The following COL8A1 variants were observed in gnomAD, a reference collection of about 807,000 sequenced individuals.
COL8A1 encodes the protein collagen alpha-1(VIII) chain.
Under a neutral mutation model 42.7 loss-of-function variants are expected in COL8A1, and 21 were observed. That is an observed-to-expected ratio of 0.49 (90% CI 0.35 to 0.71). The LOEUF is 0.71. COL8A1 is among the 30% of genes least tolerant of loss of function. The pLI, the probability that COL8A1 is intolerant of heterozygous loss-of-function variation, is 0.01. For synonymous variants in COL8A1, 367 were observed against 369.1 expected, an observed-to-expected ratio of 0.99 and a Z score of 0.06; for missense variants, 788 against 962.4, an observed-to-expected ratio of 0.82 and a Z score of 2.40.
At chr3:99,724,686 G>A (rs780059056) in intron 1 of COL8A1, among the ~76,000 whole-genome samples, 22 of 152,056 alleles carry the variant, frequency 1.4e-4, no homozygotes, top group Admixed American at 1.3e-4. Context: ...ACATTTCTTA[G>A]TTAGGTTAAA....
At chr3:99,656,881 TTTGTGAGAAAAGTCCAC>T (rs1938038190) in intron 1 of COL8A1, among the ~76,000 whole-genome samples, 1 of 152,214 alleles carries the variant, frequency 6.6e-6, no homozygotes, top group Non-Finnish European at 1.5e-5. Context: ...TTGTTATGCA[TTTGTGAGAAAAGTCCAC>T]TTGGGCATGC....
At chr3:99,776,537 T>G (rs1304436938) in intron 2 of COL8A1, among the ~76,000 whole-genome samples, 1 of 152,162 alleles carries the variant, frequency 6.6e-6, no homozygotes, top group Non-Finnish European at 1.5e-5. Context: ...GTCCCCTGGT[T>G]AGTTTCACTT....
At chr3:99,661,955 G>A (rs1278712226) in intron 1 of COL8A1, among the ~76,000 whole-genome samples, 2 of 152,220 alleles carry the variant, frequency 1.3e-5, no homozygotes, top group African/African-American at 4.8e-5. Flanking sequence ...GCCAGGGGAT[G>A]AGGGAAGGAG....
chr3:99,787,288 G>A (rs1941915348), intron 2 of COL8A1, among the ~76,000 whole-genome samples: 1 of 152,080 alleles, frequency 6.6e-6, no homozygotes, highest in Non-Finnish European at 1.5e-5. Context: ...CTCAAATATA[G>A]GAAGCCATTT....
chr3:99,739,801 C>T (rs921444480), intron 1 of COL8A1, among the ~76,000 whole-genome samples: 6 of 152,288 alleles, frequency 3.9e-5, no homozygotes, highest in Admixed American at 2.6e-4. Flanking sequence ...GAGATATTTT[C>T]CCCATTGTCT....
At chr3:99,733,799 C>T (rs1247041603) in intron 1 of COL8A1, among the ~76,000 whole-genome samples, 3 of 151,798 alleles carry the variant, frequency 2.0e-5, no homozygotes, top group Non-Finnish European at 4.4e-5. Context: ...TCCACATCCT[C>T]TCCAGCACCT....
At chr3:99,646,988 G>A (rs1335518045) in intron 1 of COL8A1, among the ~76,000 whole-genome samples, 1 of 152,160 alleles carries the variant, frequency 6.6e-6, no homozygotes, top group Non-Finnish European at 1.5e-5. Context: ...TTTCCAAAGT[G>A]CATTTCAAAA....
At chr3:99,700,415 A>C (rs925915571) in intron 1 of COL8A1, among the ~76,000 whole-genome samples, 3 of 151,736 alleles carry the variant, frequency 2.0e-5, no homozygotes, top group Admixed American at 1.3e-4. Context: ...TCACAGGCTC[A>C]CCCTCCCACC....
chr3:99,683,596 A>G (rs1319645836), intron 1 of COL8A1, among the ~76,000 whole-genome samples: 4 of 151,990 alleles, frequency 2.6e-5, no homozygotes, highest in Admixed American at 2.6e-4. Flanking sequence ...GACACGATAA[A>G]TTTTAGGGTT....
chr3:99,728,538 A>G (rs1940405049), intron 1 of COL8A1, among the ~76,000 whole-genome samples: 1 of 152,076 alleles, frequency 6.6e-6, no homozygotes. Context: ...CTGAATACAT[A>G]TCAACAATTA....
chr3:99,795,594 C>A lies in COL8A1; in HGVS notation c.1693C>A (p.Pro565Thr). 1 of 1,612,122 alleles carries A rather than the reference C, an allele frequency of 6.2e-7. No homozygotes were observed. The highest frequency in any genetic ancestry group is 8.5e-7 in the Non-Finnish European group (1 of 1,178,864). ...TGGCCTTCCAGGACCCCCAGGCCCT[C>A]CAGGACCTCCAGGACCCCCAGCTGT... ...QPGLPGPPGP[P>T]GPPGPPAVMP... The change falls in exon 4 of 4, where the codon CCA becomes ACA. Residue 565 changes from proline to threonine, a missense_variant. Coordinates refer to ENST00000652472, the MANE Select transcript of COL8A1 (RefSeq NM_020351.4).
At chr3:99,778,309 G>A (rs1241195205) in intron 2 of COL8A1, among the ~76,000 whole-genome samples, 1 of 152,132 alleles carries the variant, frequency 6.6e-6, no homozygotes, top group Non-Finnish European at 1.5e-5. Flanking sequence ...TAACACTGGG[G>A]TCACTTAGTC....
intron 1 of COL8A1, among the ~76,000 whole-genome samples, chr3:99,737,996 C>T (rs1322407483): frequency 1.3e-5 from 2 of 151,830 alleles, no homozygotes; most frequent in South Asian, 2.1e-4. Context: ...TTGCTGATAC[C>T]CTTTCTTCCA....
chr3:99,730,501 G>C (rs1460615037), intron 1 of COL8A1, among the ~76,000 whole-genome samples: 2 of 152,110 alleles, frequency 1.3e-5, no homozygotes, highest in Non-Finnish European at 2.9e-5. Flanking sequence ...ACCCCAGAGT[G>C]AATGATAGAG....
intron 1 of COL8A1, among the ~76,000 whole-genome samples, chr3:99,668,404 A>G (rs1938430550): frequency 6.6e-6 from 1 of 152,178 alleles, no homozygotes; most frequent in Admixed American, 6.5e-5. Context: ...TCTTTTAAGT[A>G]AAGTCGTCAT....
At chr3:99,737,362 G>C (rs1480092551) in intron 1 of COL8A1, among the ~76,000 whole-genome samples, 3 of 151,926 alleles carry the variant, frequency 2.0e-5, no homozygotes, top group African/African-American at 7.3e-5. Flanking sequence ...GCAGCGGCTG[G>C]TACCGGTTGT....
intron 2 of COL8A1, among the ~76,000 whole-genome samples, chr3:99,771,675 G>A (rs1941583715): frequency 6.6e-6 from 1 of 152,192 alleles, no homozygotes; most frequent in Non-Finnish European, 1.5e-5. Flanking sequence ...GAATAAGCCA[G>A]CATCTCTTCT....
intron 1 of COL8A1, among the ~76,000 whole-genome samples, chr3:99,737,771 C>T (rs1156846655): frequency 3.9e-5 from 6 of 151,982 alleles, no homozygotes; most frequent in Admixed American, 6.6e-5. Context: ...GAACGTTGGC[C>T]TGCCTTGCTA....
chr3:99,716,086 A>G (rs191548315), intron 1 of COL8A1, among the ~76,000 whole-genome samples: 168 of 152,182 alleles, frequency 1.1e-3, no homozygotes, highest in Non-Finnish European at 1.3e-3. Flanking sequence ...GCTATGTGAT[A>G]CACATTTGAG....
Sources: allele counts gnomAD v4.1 joint callset (sites outside exome capture counted in the v4.1 genomes callset), GRCh38; gene constraint gnomAD v4.1.1; transcripts MANE v1.5; gene names NCBI Gene and HGNC (gene_info 2026-07-23, HGNC 2026-07-21).